Variants in MYH9 observed in about 807,000 individuals in gnomAD.
MYH9 encodes myosin-9.
A neutral mutation model predicts 241.9 loss-of-function variants in MYH9; 29 were observed. The observed-to-expected ratio is 0.12, with a 90% confidence interval of 0.09 to 0.16. The LOEUF is 0.16. Among genes scored for constraint, MYH9 ranks in the 10% least tolerant of loss-of-function variants. MYH9 has a pLI of 1.00. For synonymous variants in MYH9, 1,047 were observed against 1,062.6 expected (o/e 0.99, Z 0.29); for missense variants, 1,803 against 2,595.5 (o/e 0.69, Z 6.63).
At chr22:36,290,908 T>C (rs932044343) in intron 31 of MYH9, among the ~76,000 whole-genome samples, 1 of 140,174 alleles carries the variant, frequency 7.1e-6, no homozygotes, top group Non-Finnish European at 1.5e-5. Context: ...ACCCTCTGCC[T>C]GGCAACCGCC....
chr22:36,337,253 A>G (rs909385554), intron 3 of MYH9, among the ~76,000 whole-genome samples: 2 of 152,232 alleles, frequency 1.3e-5, no homozygotes, highest in African/African-American at 4.8e-5. Context: ...AATAGAGGCC[A>G]CGATGCTGCT....
chr22:36,369,339 C>A (rs571428420), intron 1 of MYH9, among the ~76,000 whole-genome samples: 2 of 152,340 alleles, frequency 1.3e-5, no homozygotes, highest in East Asian at 3.9e-4. Flanking sequence ...TAATTAATCT[C>A]ATGATGAGGC....
intron 3 of MYH9, chr22:36,328,744 T>G (rs1369685512): frequency 1.3e-5 from 2 of 152,194 alleles, no homozygotes; most frequent in Non-Finnish European, 2.9e-5. Flanking sequence ...TGGCTGTTGG[T>G]ACAGTATCAG....
Position 36,305,828 on chromosome 22 carries a change from C to T in MYH9, c.2159+102G>A. On this transcript the variant is annotated intron_variant, in intron 17 of 40. Transcript: ENST00000216181. The surrounding 1 kb of genome is among the most constrained non-coding windows in gnomAD (Gnocchi z 4.7). ...AGTTCTACATGGATGGAGGACGTCGCTCCCTCACGACAGGATCCTGCCAGG... is the reference window on the plus strand; with the variant it reads ...AGTTCTACATGGATGGAGGACGTCGTTCCCTCACGACAGGATCCTGCCAGG... The T allele has an allele frequency of 6.5e-7, 1 of 1,543,906 alleles. No homozygotes were observed. Among genetic ancestry groups the T allele is most frequent in the Non-Finnish European group, 8.9e-7 (1 of 1,124,036 alleles).
chr22:36,300,135 G>T lies in MYH9; in HGVS notation c.2968C>A (p.Leu990Met). 6.2e-7 allele frequency: 1 copy of T among 1,611,590 alleles called. No individual in the cohort carries two copies. Among genetic ancestry groups the T allele is most frequent in the Non-Finnish European group, 8.5e-7 (1 of 1,180,008 alleles). The change falls in exon 23 of 41, where the codon CTG becomes ATG. Residue 990 changes from leucine to methionine, a missense_variant. Physicochemically the swap from Leu to Met is conservative, Grantham distance 15. This residue lies in a region of MYH9 where 290 missense variants were observed against 360.5 expected (regional missense o/e 0.80). Coordinates refer to ENST00000216181, the MANE Select transcript of MYH9 (RefSeq NM_002473.6). The surrounding 1 kb of genome is among the most constrained non-coding windows in gnomAD (Gnocchi z 5.0). ...ACAGCCACGGGCCTCACCTTGGCCA[G>T]CTTGCAGTTCTGGTCCTCCAGGATG... The part of the protein sequence containing the change: ...QIILEDQNCK[L>M]AKEKKLLEDR...
At position 36,293,019 on chromosome 22, in the gene MYH9, C is replaced by T. The variant is rs1405739764; in HGVS notation, c.4095+310G>A. ...AACTGGCCATTTCTACAGATGATGA[C>T]GGCACAGGGACTGCCACCACCATGG... On this transcript the variant is annotated intron_variant, in intron 30 of 40. Transcript: ENST00000216181. This position sits in a 1 kb window ranked among gnomAD's most constrained non-coding sequence, Gnocchi z 5.1. Among the ~76,000 whole-genome samples, 2 of 152,220 alleles carry T rather than the reference C, an allele frequency of 1.3e-5. No homozygotes were observed. Among genetic ancestry groups the T allele is most frequent in the African/African-American group, 4.8e-5 (2 of 41,458 alleles).
intron 21 of MYH9, 77 bp from the exon 22 acceptor site, chr22:36,301,134 G>A: frequency 7.1e-7 from 1 of 1,407,968 alleles, no homozygotes; most frequent in East Asian, 2.3e-5. Context: ...GGACGCCATG[G>A]CTCGGGATCC....
chr22:36,383,874 C>T (rs2018297406), intron 1 of MYH9, among the ~76,000 whole-genome samples: 1 of 150,986 alleles, frequency 6.6e-6, no homozygotes, highest in Non-Finnish European at 1.5e-5. Flanking sequence ...GCATGAGAAC[C>T]GCTTGAACCC....
At chr22:36,360,712 CAAA>C (rs551858499) in intron 1 of MYH9, among the ~76,000 whole-genome samples, 3 of 109,822 alleles carry the variant, frequency 2.7e-5, no homozygotes. Flanking sequence ...GACTCCATCT[CAAA>C]AAAAAAAAAA....
chr22:36,372,257 G>C (rs559169931), intron 1 of MYH9, among the ~76,000 whole-genome samples: 5 of 152,180 alleles, frequency 3.3e-5, no homozygotes, highest in Admixed American at 3.3e-4. Context: ...GAAGGTCAAG[G>C]CAGGAGGATC....
chr22:36,353,979 C>T (rs1450226221), intron 1 of MYH9, among the ~76,000 whole-genome samples: 1 of 152,240 alleles, frequency 6.6e-6, no homozygotes, highest in Non-Finnish European at 1.5e-5. Flanking sequence ...CGGCTCACTG[C>T]AACCTCCATC....
In MYH9 at chr22:36,285,877, C is replaced by T. The variant is rs968577844; in HGVS notation, c.5138G>A (p.Ser1713Asn). Residue 1713 changes from serine (S) to asparagine (N), a missense_variant, in exon 36 of 41, where the codon AGC becomes AAC. This residue lies in a region of MYH9 where 876 missense variants were observed against 1,077.8 expected (regional missense o/e 0.81). Coordinates refer to ENST00000216181, the MANE Select transcript of MYH9 (RefSeq NM_002473.6). The surrounding 1 kb of genome is among the most constrained non-coding windows in gnomAD (Gnocchi z 7.0). Reference protein sequence around the residue: ...RDELADEIANSSGKGALALEE... With the variant: ...RDELADEIANNSGKGALALEE... ...TCACTCAGCTCACCCTTTGCCGCTG[C>T]TGTTGGCGATCTCGTCAGCCAGCTC... 1.5e-5 allele frequency: 24 copies of T among 1,613,596 alleles called. No homozygotes were observed. The highest frequency in any genetic ancestry group is 1.9e-5 in the Non-Finnish European group (23 of 1,180,020).
At chr22:36,287,635 G>A (rs2016609195) in intron 34 of MYH9, among the ~76,000 whole-genome samples, 1 of 152,164 alleles carries the variant, frequency 6.6e-6, no homozygotes, top group African/African-American at 2.4e-5. Context: ...CCAGCTGCTG[G>A]GGAGGCTGAG....
Position 36,294,256 on chromosome 22 carries a change from C to T in MYH9, c.3673G>A (p.Glu1225Lys), listed in dbSNP as rs770864107. The change falls in exon 28 of 41, where the codon GAG becomes AAG. Residue 1225 changes from glutamate (E) to lysine (K), a missense_variant. Physicochemically the swap from Glu to Lys is moderately conservative, Grantham distance 56. This residue lies in a region of MYH9 where 876 missense variants were observed against 1,077.8 expected (regional missense o/e 0.81). Transcript: ENST00000216181. ...LEKAKQTLEN[E>K]RGELANEVKV... ...ACCTCGTTGGCCAGCTCCCCCCGCT[C>T]GTTCTCCAGAGTCTGCTTTGCCTTC... 4.6e-5 allele frequency: 75 copies of T among 1,614,008 alleles called. No individual in the cohort carries two copies. The highest frequency in any genetic ancestry group is 6.1e-5 in the Non-Finnish European group (72 of 1,180,052).
intron 24 of MYH9, among the ~76,000 whole-genome samples, chr22:36,298,185 G>C (rs1344319259): frequency 6.6e-6 from 1 of 152,028 alleles, no homozygotes; most frequent in Non-Finnish European, 1.5e-5. Context: ...CGGTGGTCAG[G>C]TTTTGGTCTC....
rs1050203358 is a variant in MYH9, at chr22:36,330,877, C to T, written c.491-3389G>A. On this transcript the variant is annotated intron_variant, in intron 3 of 40. Coordinates refer to ENST00000216181, the MANE Select transcript of MYH9 (RefSeq NM_002473.6). This position sits in a 1 kb window ranked among gnomAD's most constrained non-coding sequence, Gnocchi z 4.5. ...AGCCCCCTGCCAGATGAAAGTCTAG[C>T]CGTGGTAGGCGCCTGAACCCACTGC... Among the ~76,000 whole-genome samples the T allele has an allele frequency of 2.0e-5, 3 of 152,126 alleles. No individual in the cohort carries two copies. Among genetic ancestry groups the T allele is most frequent in the African/African-American group, 7.2e-5 (3 of 41,416 alleles).
intron 3 of MYH9, among the ~76,000 whole-genome samples, chr22:36,341,118 T>G (rs898188022): frequency 5.9e-5 from 9 of 152,118 alleles, no homozygotes; most frequent in African/African-American, 2.2e-4. Flanking sequence ...TTGAAAAGTA[T>G]GAGAAATTGA....
In MYH9 at chr22:36,293,506, G is replaced by A. The variant is rs1216570374; in HGVS notation, c.3943-25C>T. 8.7e-6 allele frequency: 14 copies of A among 1,611,058 alleles called. No homozygotes were observed. Among genetic ancestry groups the A allele is most frequent in the East Asian group, 2.2e-5 (1 of 44,880 alleles). On this transcript the variant is annotated intron_variant, in intron 29 of 40. Transcript: ENST00000216181. The surrounding 1 kb of genome is among the most constrained non-coding windows in gnomAD (Gnocchi z 5.1). ...CCTACTCGCGGGTTGAGAGGGGTGC[G>A]GGTGCTTAGGAGGGTGGTGTCCAAA...
In MYH9 at chr22:36,330,229, T is replaced by C. The variant is rs879841285; in HGVS notation, c.491-2741A>G. 2.0e-5 allele frequency among the ~76,000 whole-genome samples: 3 copies of C among 152,220 alleles called. No homozygotes were observed. Among genetic ancestry groups the C allele is most frequent in the Admixed American group, 6.5e-5 (1 of 15,288 alleles). On this transcript the variant is annotated intron_variant, in intron 3 of 40. Coordinates refer to ENST00000216181, the MANE Select transcript of MYH9 (RefSeq NM_002473.6). This position sits in a 1 kb window ranked among gnomAD's most constrained non-coding sequence, Gnocchi z 4.5. ...TAACCATACCTTAAAGAAATCTGGA[T>C]TTGTTCTGCCAGGAACATTCATCTG...
Sources: allele counts gnomAD v4.1 joint callset (sites outside exome capture counted in the v4.1 genomes callset), GRCh38; gene constraint gnomAD v4.1.1; regional missense constraint gnomAD v4.1.1; non-coding constraint Gnocchi (gnomAD v3.1); transcripts MANE v1.5; gene names NCBI Gene and HGNC (gene_info 2026-07-23, HGNC 2026-07-21).